DNAH9: variants seen among roughly 807,000 people sequenced by gnomAD.
DNAH9 encodes the protein dynein axonemal heavy chain 9, also known as DNAH9 variant protein.
A neutral mutation model predicts 471.6 loss-of-function variants in DNAH9; 345 were observed. The observed-to-expected ratio is 0.73, with a 90% CI of 0.67 to 0.80. The LOEUF (loss-of-function observed/expected upper bound fraction) is 0.80. DNAH9 is among the 30% of genes least tolerant of loss of function. The pLI, the probability that DNAH9 is intolerant of heterozygous loss-of-function variation, is 0.00. For missense variants in DNAH9, 5,407 were observed against 5,609.2 expected (o/e 0.96, Z 1.15); for synonymous variants, 2,093 against 2,123.6 (o/e 0.99, Z 0.40).
intron 67 of DNAH9, among the ~76,000 whole-genome samples, chr17:11,956,352 T>G (rs1597874752): frequency 6.6e-6 from 1 of 151,910 alleles, no homozygotes; most frequent in East Asian, 1.9e-4. Flanking sequence ...AGCAAAAAAA[T>G]GATAGAATCA....
At chr17:11,843,831 G>A (rs1001801138) in intron 49 of DNAH9, among the ~76,000 whole-genome samples, 3 of 101,948 alleles carry the variant, frequency 2.9e-5, no homozygotes, top group Admixed American at 1.2e-4. Context: ...ATATATACAT[G>A]TATATGTGTT....
At chr17:11,675,855 A>G (rs1567710794) in intron 17 of DNAH9, among the ~76,000 whole-genome samples, 1 of 151,448 alleles carries the variant, frequency 6.6e-6, no homozygotes, top group Non-Finnish European at 1.5e-5. Context: ...GCATTACTGC[A>G]CCTGTTTGTG....
intron 14 of DNAH9, among the ~76,000 whole-genome samples, chr17:11,653,996 T>C (rs1002035426): frequency 6.6e-6 from 1 of 151,842 alleles, no homozygotes; most frequent in African/African-American, 2.4e-5. Flanking sequence ...TAAGATATAG[T>C]CCCCGCTTTG....
intron 17 of DNAH9, among the ~76,000 whole-genome samples, chr17:11,672,985 T>C (rs1279020124): frequency 6.6e-6 from 1 of 152,180 alleles, no homozygotes; most frequent in Non-Finnish European, 1.5e-5. Flanking sequence ...CCTTGGTCCC[T>C]GTTCCCTCCC....
intron 12 of DNAH9, among the ~76,000 whole-genome samples, chr17:11,648,314 G>C (rs2073434198): frequency 6.6e-6 from 1 of 152,154 alleles, no homozygotes. Flanking sequence ...GGAATATAGA[G>C]AATTCATGTC....
At chr17:11,882,332 A>G (rs758817858) in intron 55 of DNAH9, among the ~76,000 whole-genome samples, 33 of 152,202 alleles carry the variant, frequency 2.2e-4, no homozygotes, top group Non-Finnish European at 3.5e-4. Flanking sequence ...CACATCTCCA[A>G]TATAGTCACA....
chr17:11,766,968 CAA>C (rs57248598), intron 36 of DNAH9, among the ~76,000 whole-genome samples: 201 of 139,450 alleles, frequency 1.4e-3, no homozygotes, highest in Non-Finnish European at 1.5e-3. Context: ...GACTCTGTCT[CAA>C]AAAAAAAAAA....
chr17:11,959,339 G>A (rs1479774120), intron 67 of DNAH9, among the ~76,000 whole-genome samples: 1 of 152,016 alleles, frequency 6.6e-6, no homozygotes, highest in Non-Finnish European at 1.5e-5. Context: ...CATTTATTTT[G>A]TCCTTTGCAC....
intron 25 of DNAH9, 140 bp downstream of exon 25, chr17:11,704,582 C>CTT (rs34814778): frequency 0.012 from 6,087 of 523,262 alleles, 1 homozygote; most frequent in East Asian, 0.029. Context: ...GCTGCTCCTA[C>CTT]TTTTTTTTTT....
intron 1 of DNAH9, among the ~76,000 whole-genome samples, chr17:11,603,197 T>C (rs2072422919): frequency 6.6e-6 from 1 of 152,236 alleles, no homozygotes; most frequent in Non-Finnish European, 1.5e-5. Context: ...CTCGAACTGC[T>C]AAGTAAGCCT....
chr17:11,599,046 G>C, intron 1 of DNAH9, 131 bp downstream of exon 1: 1 of 752,552 alleles, frequency 1.3e-6, no homozygotes, highest in South Asian at 2.2e-5. Flanking sequence ...CGGAGTGATA[G>C]GCAGAGGGGC....
At chr17:11,876,625 G>A (rs1234882078) in intron 53 of DNAH9, among the ~76,000 whole-genome samples, 1 of 152,210 alleles carries the variant, frequency 6.6e-6, no homozygotes, top group African/African-American at 2.4e-5. Flanking sequence ...GAGACAGAAA[G>A]TCGAATGGTG....
At position 11,669,748 on chromosome 17, in the gene DNAH9, T is replaced by G. The variant is rs1175545390; in HGVS notation, c.3307T>G (p.Trp1103Gly). 1.2e-6 allele frequency: 2 copies of G among 1,614,014 alleles called. No individual in the cohort carries two copies. The highest frequency in any genetic ancestry group is 1.7e-6 in the Non-Finnish European group (2 of 1,180,028). Residue 1103 changes from tryptophan (W) to glycine (G), a missense_variant, in exon 17 of 69, where the codon TGG (tryptophan) becomes GGG (glycine). Physicochemically the swap from Trp to Gly is radical, Grantham distance 184. Transcript: ENST00000262442. ...KASLLNIIKR[W>G]SLLFKQHLVD... ...ATCTCTGCTGAATATTATTAAGAGG[T>G]GGAGCCTCCTGTTCAAACAGCATCT...
chr17:11,907,190 G>T (rs189146085), intron 61 of DNAH9, among the ~76,000 whole-genome samples: 2 of 152,224 alleles, frequency 1.3e-5, no homozygotes, highest in East Asian at 3.9e-4. Flanking sequence ...GTCTGTCCTG[G>T]CCGGGCACGG....
intron 59 of DNAH9, among the ~76,000 whole-genome samples, chr17:11,895,165 G>A (rs1973182195): frequency 6.6e-6 from 1 of 152,174 alleles, no homozygotes; most frequent in Admixed American, 6.5e-5. Context: ...GATTCTATGA[G>A]TGTTGAAAAG....
intron 45 of DNAH9, among the ~76,000 whole-genome samples, chr17:11,811,422 G>T (rs985123070): frequency 9.9e-5 from 15 of 152,268 alleles, no homozygotes; most frequent in Admixed American, 3.9e-4. Context: ...TGTAAGTTGG[G>T]TCTGTCTCCC....
In DNAH9 at chr17:11,652,805, C is replaced by G. The variant is rs1237523166; in HGVS notation, c.2398C>G (p.Leu800Val). The change falls in exon 14 of 69, where the codon CTT becomes GTT. Residue 800 changes from leucine to valine, a missense_variant. This residue lies in a region of DNAH9 where 4,636 missense variants were observed against 4,900.3 expected (regional missense o/e 0.95). Transcript: ENST00000262442. ...TGAAATCACCAGTAGTATTCATGAT[C>G]TTGAACAAAGAATTCAGAAAACTAA... ...VTEITSSIHD[L>V]EQRIQKTKDN... The G allele has an allele frequency of 6.2e-7, 1 of 1,613,260 alleles. No homozygotes were observed. Among genetic ancestry groups the G allele is most frequent in the Non-Finnish European group, 8.5e-7 (1 of 1,179,308 alleles).
At chr17:11,702,354 C>T (rs527922494) in intron 24 of DNAH9, among the ~76,000 whole-genome samples, 6 of 152,328 alleles carry the variant, frequency 3.9e-5, no homozygotes, top group African/African-American at 1.4e-4. Flanking sequence ...TTTAAAGTAA[C>T]TCTGGCTACA....
At chr17:11,636,085 C>T (rs543856886) in intron 8 of DNAH9, among the ~76,000 whole-genome samples, 1 of 152,086 alleles carries the variant, frequency 6.6e-6, no homozygotes, top group Admixed American at 6.5e-5. Context: ...TGGCTCACTG[C>T]AAACTCCGCC....
Sources: gnomAD v4.1 joint callset for allele counts (sites outside exome capture counted in the v4.1 genomes callset) on GRCh38, gnomAD v4.1.1 for gene constraint, gnomAD v4.1.1 regional missense constraint, MANE v1.5 for transcripts, NCBI Gene and HGNC (gene_info 2026-07-23, HGNC 2026-07-21) for gene names.